Variants in GPC6 observed in about 807,000 individuals in gnomAD.
GPC6 encodes the protein glypican 6.
In GPC6, 14 loss-of-function variants were observed where a neutral mutation model predicts 55.2. That is an observed-to-expected ratio of 0.25 (90% confidence interval 0.17 to 0.40). The LOEUF is 0.40. Among genes scored for constraint, GPC6 ranks in the 10% least tolerant of loss-of-function variants. The pLI, the probability that GPC6 is intolerant of heterozygous loss-of-function variation, is 1.00. For synonymous variants in GPC6, 278 were observed against 259.6 expected (o/e 1.07, Z -0.68); for missense variants, 641 against 708.5 (o/e 0.90, Z 1.08).
intron 3 of GPC6, among the ~76,000 whole-genome samples, chr13:93,904,726 G>T (rs761304525): frequency 6.6e-6 from 1 of 152,004 alleles, no homozygotes; most frequent in East Asian, 1.9e-4. Flanking sequence ...ACAGAGTGAG[G>T]CTGTGTCTCA....
In GPC6 at chr13:94,286,400, C is replaced by T. The variant is rs200811947; in HGVS notation, c.929C>T (p.Ser310Leu). The T allele has an allele frequency of 1.9e-5, 31 of 1,613,166 alleles. No homozygotes were observed. Among genetic ancestry groups the T allele is most frequent in the East Asian group, 4.5e-5 (2 of 44,858 alleles). The change falls in exon 5 of 9, where the codon TCG becomes TTG. Residue 310 changes from serine (S) to leucine (L), a missense_variant. Ser to Leu is a moderately radical substitution (Grantham distance 145). Coordinates refer to ENST00000377047, the MANE Select transcript of GPC6 (RefSeq NM_005708.5). The part of the protein sequence containing the change: ...ERLEGPFNIE[S>L]VMDPIDVKIS... ...CTGGAGGGGCCATTCAACATTGAGT[C>T]GGTCATGGACCCGATAGATGTCAAG... is the stretch of plus-strand genomic sequence containing the variant.
At chr13:93,222,843 G>A (rs1337252084), upstream of GPC6, among the ~76,000 whole-genome samples, 1 of 152,116 alleles carries the variant, frequency 6.6e-6, no homozygotes, top group Non-Finnish European at 1.5e-5. Context: ...GAAGTTGGAA[G>A]TCCTAAGGCT....
rs185346157 is a variant in GPC6, at chr13:93,253,849, G to A, written c.160+26233G>A. 5.6e-4 allele frequency among the ~76,000 whole-genome samples: 85 copies of A among 152,182 alleles called. No homozygotes were observed. In the Middle Eastern group the frequency reaches 0.01, roughly 18 times the overall value. On this transcript the variant is annotated intron_variant, in intron 1 of 8. Coordinates refer to ENST00000377047, the MANE Select transcript of GPC6 (RefSeq NM_005708.5). Reference sequence around the variant, plus strand: ...AATGGTATATAACTACCAAGGGAGAGATTTAATGTAAAATTAATATACTTC... The same window carrying A: ...AATGGTATATAACTACCAAGGGAGAAATTTAATGTAAAATTAATATACTTC...
intron 2 of GPC6, among the ~76,000 whole-genome samples, chr13:93,777,329 T>C (rs970668469): frequency 6.6e-6 from 1 of 152,214 alleles, no homozygotes; most frequent in African/African-American, 2.4e-5. Context: ...TTGTGCTTAC[T>C]AGCAACATTA....
chr13:93,661,628 T>G (rs1022650176), intron 2 of GPC6, among the ~76,000 whole-genome samples: 1 of 152,008 alleles, frequency 6.6e-6, no homozygotes, highest in African/African-American at 2.4e-5. Context: ...GAAGGCTGAG[T>G]GATAGGGTAA....
intron 1 of GPC6, among the ~76,000 whole-genome samples, chr13:93,517,120 C>T (rs955997562): frequency 5.3e-5 from 8 of 152,016 alleles, no homozygotes; most frequent in African/African-American, 9.7e-5. Context: ...TGTCACCAAA[C>T]GTTAAAGAGA....
At chr13:94,226,511 A>T (rs1050000570) in intron 4 of GPC6, among the ~76,000 whole-genome samples, 1 of 152,206 alleles carries the variant, frequency 6.6e-6, no homozygotes, top group Non-Finnish European at 1.5e-5. Context: ...CACCATGTGT[A>T]CATGTATTAA....
At chr13:93,275,183 T>C (rs1045562260) in intron 1 of GPC6, among the ~76,000 whole-genome samples, 1 of 152,232 alleles carries the variant, frequency 6.6e-6, no homozygotes, top group African/African-American at 2.4e-5. Flanking sequence ...TTGAAACTCT[T>C]TTCATCTTAT....
At chr13:93,882,570 T>A (rs1875059965) in intron 3 of GPC6, among the ~76,000 whole-genome samples, 1 of 152,152 alleles carries the variant, frequency 6.6e-6, no homozygotes, top group Non-Finnish European at 1.5e-5. Context: ...CTGGTTGATT[T>A]TTTTTTAATT....
At chr13:93,595,607 A>G (rs1418645894) in intron 2 of GPC6, among the ~76,000 whole-genome samples, 2 of 152,198 alleles carry the variant, frequency 1.3e-5, no homozygotes, top group Admixed American at 6.5e-5. Context: ...AAAAGAATGT[A>G]TAGTCATTGT....
intron 2 of GPC6, among the ~76,000 whole-genome samples, chr13:93,673,099 A>G (rs1310849287): frequency 6.6e-6 from 1 of 152,172 alleles, no homozygotes; most frequent in Non-Finnish European, 1.5e-5. Context: ...AAAAGTTAGT[A>G]GTGAGTCTGA....
intron 4 of GPC6, among the ~76,000 whole-genome samples, chr13:94,261,605 C>A (rs2139050418): frequency 6.6e-6 from 1 of 152,310 alleles, no homozygotes; most frequent in East Asian, 1.9e-4. Context: ...CAGGCCTATA[C>A]CCTGGAGGAG....
At chr13:93,370,695 A>G (rs9524024) in intron 1 of GPC6, among the ~76,000 whole-genome samples, 64,249 of 152,090 alleles carry the variant, frequency 0.42, 15,195 homozygotes, top group Non-Finnish European at 0.56. Context: ...CACATACAGC[A>G]GGCAAATTAC....
chr13:94,364,676 G>A (rs1424082268), intron 6 of GPC6, among the ~76,000 whole-genome samples: 12 of 152,022 alleles, frequency 7.9e-5, no homozygotes, highest in Non-Finnish European at 1.5e-4. Context: ...GCAGGACCAC[G>A]TCCCTTAAAT....
intron 2 of GPC6, among the ~76,000 whole-genome samples, chr13:93,730,302 T>C (rs1480105473): frequency 2.6e-5 from 4 of 152,166 alleles, no homozygotes; most frequent in South Asian, 4.1e-4. Flanking sequence ...GTTGAATATA[T>C]TAAGGAATGT....
intron 1 of GPC6, among the ~76,000 whole-genome samples, chr13:93,485,454 A>G (rs1879670326): frequency 6.6e-6 from 1 of 152,174 alleles, no homozygotes; most frequent in Non-Finnish European, 1.5e-5. Flanking sequence ...AGAAGATGGA[A>G]AATATTACAT....
At chr13:93,295,109 CAA>C (rs71202577) in intron 1 of GPC6, among the ~76,000 whole-genome samples, 8 of 61,822 alleles carry the variant, frequency 1.3e-4, no homozygotes, top group Admixed American at 7.4e-4. Flanking sequence ...TCTGTCTCTG[CAA>C]AAAAAAAAAA....
chr13:94,170,603 T>C (rs549971016), intron 4 of GPC6, among the ~76,000 whole-genome samples: 19 of 152,332 alleles, frequency 1.2e-4, no homozygotes, highest in African/African-American at 4.6e-4. Flanking sequence ...GGCACTGACT[T>C]TTCCCCATAA....
chr13:93,978,846 G>C (rs949243819), intron 3 of GPC6, among the ~76,000 whole-genome samples: 1 of 152,072 alleles, frequency 6.6e-6, no homozygotes, highest in African/African-American at 2.4e-5. Flanking sequence ...TCCCTCACCA[G>C]ATCATAAGCA....
Sources: allele counts gnomAD v4.1 joint callset (sites outside exome capture counted in the v4.1 genomes callset), GRCh38; gene constraint gnomAD v4.1.1; transcripts MANE v1.5; gene names NCBI Gene and HGNC (gene_info 2026-07-23, HGNC 2026-07-21).